DOCK2: variants seen among roughly 807,000 people sequenced by gnomAD.
The protein encoded by DOCK2 is dedicator of cytokinesis protein 2.
Under a neutral mutation model 248.9 loss-of-function variants are expected in DOCK2, and 87 were observed. The ratio of observed to expected loss-of-function variants is 0.35; its 90% confidence interval spans 0.29 to 0.42. The LOEUF (loss-of-function observed/expected upper bound fraction) is 0.42, where lower values mean the gene tolerates loss of function less well. Ranked by LOEUF, DOCK2 falls within the 10% of genes least tolerant of loss-of-function variation. DOCK2 has a pLI of 1.00. For missense variants in DOCK2, 1,747 were observed against 2,300.2 expected, an observed-to-expected ratio of 0.76 and a Z score of 4.92; for synonymous variants, 805 against 821.6, an observed-to-expected ratio of 0.98 and a Z score of 0.35.
At chr5:169,662,817 G>A (rs1304000175) in intron 2 of DOCK2, among the ~76,000 whole-genome samples, 1 of 152,166 alleles carries the variant, frequency 6.6e-6, no homozygotes, top group Non-Finnish European at 1.5e-5. Flanking sequence ...GAGATGAGAT[G>A]TGGGTGGGGA....
chr5:169,971,338 A>G (rs1332500582), intron 27 of DOCK2, among the ~76,000 whole-genome samples: 1 of 151,868 alleles, frequency 6.6e-6, no homozygotes, highest in Non-Finnish European at 1.5e-5. Context: ...TGGGTTGGCT[A>G]TGCAGTGCCC....
chr5:169,713,371 T>C (rs1201081170), intron 17 of DOCK2, among the ~76,000 whole-genome samples: 2 of 152,238 alleles, frequency 1.3e-5, no homozygotes, highest in African/African-American at 4.8e-5. Flanking sequence ...TTGGTTTCAC[T>C]CCTGGTGCGG....
intron 30 of DOCK2, among the ~76,000 whole-genome samples, chr5:170,003,269 G>A (rs754219577): frequency 6.6e-5 from 10 of 152,232 alleles, no homozygotes; most frequent in Non-Finnish European, 1.2e-4. Flanking sequence ...TTTTACAAGT[G>A]AGGAGAATGA....
chr5:169,978,077 G>C (rs1286937419), intron 27 of DOCK2, among the ~76,000 whole-genome samples: 1 of 152,044 alleles, frequency 6.6e-6, no homozygotes, highest in Non-Finnish European at 1.5e-5. Flanking sequence ...CCTCTCACTG[G>C]TGCTTTCTAT....
chr5:169,834,781 C>G (rs1305266568), intron 26 of DOCK2, among the ~76,000 whole-genome samples: 1 of 152,238 alleles, frequency 6.6e-6, no homozygotes, highest in Non-Finnish European at 1.5e-5. Context: ...TAGCATCACA[C>G]ACAATGAAAT....
chr5:170,044,813 C>G (rs556829713), intron 38 of DOCK2, among the ~76,000 whole-genome samples: 5 of 152,158 alleles, frequency 3.3e-5, no homozygotes, highest in Non-Finnish European at 7.4e-5. Context: ...CCTCCCCTCT[C>G]TCCTCCTCCT....
At chr5:170,030,451 T>G (rs759357068) in intron 34 of DOCK2, among the ~76,000 whole-genome samples, 1 of 151,938 alleles carries the variant, frequency 6.6e-6, no homozygotes, top group Non-Finnish European at 1.5e-5. Context: ...GCCCTTAGAG[T>G]TTTTGTTGGG....
intron 27 of DOCK2, among the ~76,000 whole-genome samples, chr5:169,930,677 A>G (rs1056592713): frequency 2.6e-5 from 4 of 152,208 alleles, no homozygotes; most frequent in African/African-American, 4.8e-5. Context: ...TTGTAATTTT[A>G]CCTTGAATTA....
intron 20 of DOCK2, among the ~76,000 whole-genome samples, chr5:169,716,815 T>A (rs962411917): frequency 2.0e-5 from 3 of 152,198 alleles, no homozygotes; most frequent in Non-Finnish European, 4.4e-5. Flanking sequence ...CGACTCAGAT[T>A]TTCTCAGTGT....
At chr5:169,837,693 AACTC>A (rs1769677172) in intron 26 of DOCK2, among the ~76,000 whole-genome samples, 1 of 152,158 alleles carries the variant, frequency 6.6e-6, no homozygotes, top group African/African-American at 2.4e-5. Flanking sequence ...AAGAAACAGA[AACTC>A]AGAGAGGAAA....
At chr5:169,782,634 A>G (rs1425961384) in intron 25 of DOCK2, among the ~76,000 whole-genome samples, 1 of 151,744 alleles carries the variant, frequency 6.6e-6, no homozygotes, top group Non-Finnish European at 1.5e-5. Flanking sequence ...GAACACAGAG[A>G]GCAGGACTAC....
intron 25 of DOCK2, among the ~76,000 whole-genome samples, chr5:169,776,675 A>C (rs1188547556): frequency 6.6e-6 from 1 of 152,206 alleles, no homozygotes; most frequent in African/African-American, 2.4e-5. Flanking sequence ...TCAAGGGTGG[A>C]ACCAGGTGAA....
intron 26 of DOCK2, among the ~76,000 whole-genome samples, chr5:169,823,550 G>A (rs1380389280): frequency 6.6e-6 from 1 of 152,086 alleles, no homozygotes; most frequent in Non-Finnish European, 1.5e-5. Context: ...TGCAGAAAAG[G>A]CCTTTGACAA....
chr5:170,012,448 TATC>T (rs1403014495), intron 32 of DOCK2, among the ~76,000 whole-genome samples: 1 of 152,214 alleles, frequency 6.6e-6, no homozygotes, highest in Non-Finnish European at 1.5e-5. Flanking sequence ...CCATCATCAG[TATC>T]ATCATCTTCT....
chr5:169,714,835 G>A, intron 19 of DOCK2, among the ~76,000 whole-genome samples: 1 of 152,052 alleles, frequency 6.6e-6, no homozygotes. Context: ...CTTACACATA[G>A]TACACAACAA....
chr5:169,835,137 AAAAT>A (rs1769480754), intron 26 of DOCK2, among the ~76,000 whole-genome samples: 1 of 152,186 alleles, frequency 6.6e-6, no homozygotes, highest in African/African-American at 2.4e-5. Flanking sequence ...TTGCATATTC[AAAAT>A]ATTTTAAGTA....
rs1756869209 is a variant in DOCK2, at chr5:170,050,260, A to G, written c.4076A>G (p.Lys1359Arg). 1 of 1,614,004 alleles carries G rather than the reference A, an allele frequency of 6.2e-7. No individual in the cohort carries two copies. The highest frequency in any genetic ancestry group is 2.2e-5 in the East Asian group (1 of 44,888). Reference protein sequence around the residue: ...GQGFPSFLRNKVFIYRGKEYE... With the variant: ...GQGFPSFLRNRVFIYRGKEYE... ...ATGAGCATCCTTTCTCTGCAGAACAAAGTGTTCATCTACCGCGGGAAGGAA... is the reference window on the plus strand; with the variant it reads ...ATGAGCATCCTTTCTCTGCAGAACAGAGTGTTCATCTACCGCGGGAAGGAA... Residue 1359 changes from lysine (K) to arginine (R), a missense_variant, in exon 41 of 52, where the codon AAA (lysine) becomes AGA (arginine). This residue lies in a region of DOCK2 where 858 missense variants were observed against 1,183.5 expected (regional missense o/e 0.72). Coordinates refer to ENST00000520908, the MANE Select transcript of DOCK2 (RefSeq NM_004946.3).
At chr5:169,883,232 G>A in intron 27 of DOCK2, 2 of 1,551,520 alleles carry the variant, frequency 1.3e-6, no homozygotes, top group South Asian at 2.4e-5. Context: ...GACCTGTCTG[G>A]GCTGAGAGCA....
intron 27 of DOCK2, among the ~76,000 whole-genome samples, chr5:169,846,419 C>T (rs559599105): frequency 6.6e-4 from 100 of 152,202 alleles, no homozygotes; most frequent in African/African-American, 2.4e-3. Flanking sequence ...GACAAATGAG[C>T]AAAAGGGAAT....
Sources: gnomAD v4.1 joint callset for allele counts (sites outside exome capture counted in the v4.1 genomes callset) on GRCh38, gnomAD v4.1.1 for gene constraint, gnomAD v4.1.1 regional missense constraint, MANE v1.5 for transcripts, NCBI Gene and HGNC (gene_info 2026-07-23, HGNC 2026-07-21) for gene names.